Variants in CPNE4 observed in about 807,000 individuals in gnomAD.
CPNE4 encodes the protein copine-4.
Under a neutral mutation model 67.9 loss-of-function variants are expected in CPNE4, and 25 were observed. The ratio of observed to expected loss-of-function variants is 0.37; its 90% confidence interval spans 0.27 to 0.51. The LOEUF (loss-of-function observed/expected upper bound fraction) is 0.51, where lower values mean the gene tolerates loss of function less well. CPNE4 is among the 20% of genes least tolerant of loss of function. The pLI is 0.93. For synonymous variants in CPNE4, 242 were observed against 244.9 expected, an observed-to-expected ratio of 0.99 and a Z score of 0.11; for missense variants, 464 against 690.8, an observed-to-expected ratio of 0.67 and a Z score of 3.68.
At chr3:131,709,788 G>A (rs1207642722) in intron 3 of CPNE4, among the ~76,000 whole-genome samples, 1 of 152,164 alleles carries the variant, frequency 6.6e-6, no homozygotes, top group South Asian at 2.1e-4. Context: ...TTCAGCATAG[G>A]GTCTGGCAGA....
chr3:132,008,278 C>T (rs2073659213), intron 1 of CPNE4, among the ~76,000 whole-genome samples: 1 of 152,054 alleles, frequency 6.6e-6, no homozygotes, highest in Non-Finnish European at 1.5e-5. Flanking sequence ...GAAGAGTAAT[C>T]TAAAAATATC....
chr3:131,941,546 A>G (rs2071388148), intron 1 of CPNE4, among the ~76,000 whole-genome samples: 1 of 152,052 alleles, frequency 6.6e-6, no homozygotes, highest in African/African-American at 2.4e-5. Flanking sequence ...TGAGAAAACC[A>G]AGGCCCAAAG....
chr3:131,580,388 C>CTATACATATACA (rs56222832), intron 9 of CPNE4, among the ~76,000 whole-genome samples: 1,452 of 132,244 alleles, frequency 0.011, 19 homozygotes, highest in African/African-American at 0.027. Context: ...ACATTGGCCT[C>CTATACATATACA]TATACATATA....
At chr3:131,944,790 A>G (rs1056841594) in intron 1 of CPNE4, among the ~76,000 whole-genome samples, 10 of 152,086 alleles carry the variant, frequency 6.6e-5, no homozygotes, top group Non-Finnish European at 1.2e-4. Flanking sequence ...AATCCTTCCA[A>G]AAGCTTCAAA....
At chr3:131,836,670 G>C (rs2085568760) in intron 2 of CPNE4, among the ~76,000 whole-genome samples, 2 of 152,166 alleles carry the variant, frequency 1.3e-5, no homozygotes, top group African/African-American at 4.8e-5. Context: ...ATTAGGCAAA[G>C]AGTTCTTAGA....
rs574718110 is a variant in CPNE4, at chr3:131,574,812, G to A, written c.927+259C>T. On this transcript the variant is annotated intron_variant, in intron 10 of 15. Transcript: ENST00000429747. ...CATAGTTACTGAAGAAATGGGAAGC[G>A]TTAGGAGGATTTCCTAGACCACCTG... Among the ~76,000 whole-genome samples, 7 of 152,210 alleles carry A rather than the reference G, an allele frequency of 4.6e-5. No homozygotes were observed. In the South Asian group the frequency reaches 1.0e-3, roughly 23 times the overall value.
intron 2 of CPNE4, among the ~76,000 whole-genome samples, chr3:131,845,674 T>TA (rs2085967719): frequency 6.6e-6 from 1 of 152,128 alleles, no homozygotes; most frequent in Non-Finnish European, 1.5e-5. Context: ...TTTAACACAA[T>TA]AAGCACTTAA....
intron 1 of CPNE4, among the ~76,000 whole-genome samples, chr3:131,967,824 T>C (rs546338637): frequency 6.6e-6 from 1 of 152,280 alleles, no homozygotes; most frequent in Non-Finnish European, 1.5e-5. Context: ...TCAAGCTACC[T>C]TGACTTTCTT....
intron 2 of CPNE4, among the ~76,000 whole-genome samples, chr3:131,861,819 A>G (rs1047580585): frequency 6.6e-6 from 1 of 152,340 alleles, no homozygotes; most frequent in South Asian, 2.1e-4. Context: ...TTCCTTTAAT[A>G]TAATAACAAG....
intron 2 of CPNE4, among the ~76,000 whole-genome samples, chr3:131,903,579 G>A (rs2088631644): frequency 6.6e-6 from 1 of 152,096 alleles, no homozygotes; most frequent in East Asian, 1.9e-4. Flanking sequence ...AAAGATCTCA[G>A]TTTCTGGAGC....
At chr3:131,685,063 G>A (rs557502502) in intron 6 of CPNE4, among the ~76,000 whole-genome samples, 2 of 152,166 alleles carry the variant, frequency 1.3e-5, no homozygotes, top group Non-Finnish European at 2.9e-5. Flanking sequence ...AAATTACCAT[G>A]AAGCTCAGAG....
chr3:131,549,895 C>G, intron 14 of CPNE4, 52 bp downstream of exon 14: 1 of 1,600,174 alleles, frequency 6.2e-7, no homozygotes, highest in East Asian at 2.2e-5. Flanking sequence ...CGGCCAATAT[C>G]CAGGTGAGGA....
rs140267873 is a variant in CPNE4, at chr3:131,752,754, A to G, written c.181-29129T>C. ...GAAGAAATTTGTATAATCAGTTGGA[A>G]GGATGAGATCTATGCAAATCATACC... On this transcript the variant is annotated intron_variant, in intron 2 of 15. Coordinates refer to ENST00000429747, the MANE Select transcript of CPNE4 (RefSeq NM_130808.3). Among the ~76,000 whole-genome samples the G allele has an allele frequency of 4.6e-5, 7 of 152,304 alleles. No individual in the cohort carries two copies. In the East Asian group the frequency reaches 1.3e-3, roughly 29 times the overall value.
chr3:131,871,670 C>T (rs759983806), intron 2 of CPNE4, among the ~76,000 whole-genome samples: 3 of 152,148 alleles, frequency 2.0e-5, no homozygotes, highest in Non-Finnish European at 4.4e-5. Context: ...CTGACCGATA[C>T]CAACTTCGGT....
chr3:131,914,055 G>A (rs1455861640), intron 1 of CPNE4, among the ~76,000 whole-genome samples: 1 of 152,074 alleles, frequency 6.6e-6, no homozygotes, highest in Admixed American at 6.6e-5. Context: ...TTTAACAATA[G>A]GTCATCAGAT....
At chr3:131,770,922 A>G (rs2083150096) in intron 2 of CPNE4, among the ~76,000 whole-genome samples, 1 of 152,224 alleles carries the variant, frequency 6.6e-6, no homozygotes, top group African/African-American at 2.4e-5. Context: ...GACATTACAT[A>G]TCTTTTCAAA....
chr3:132,020,003 G>A (rs962199603), intron 1 of CPNE4, among the ~76,000 whole-genome samples: 52 of 152,250 alleles, frequency 3.4e-4, no homozygotes, highest in African/African-American at 1.0e-3. Flanking sequence ...AAGTCAAACC[G>A]ATTCCAAATT....
intron 7 of CPNE4, among the ~76,000 whole-genome samples, chr3:131,615,925 A>G (rs867618301): frequency 1.5e-3 from 129 of 88,870 alleles, no homozygotes; most frequent in African/African-American, 0.013. Flanking sequence ...ACACACACAC[A>G]CACGCACACA....
chr3:131,543,091 C>A (rs1322284514), intron 14 of CPNE4: 5 of 293,804 alleles, frequency 1.7e-5, no homozygotes, highest in South Asian at 6.8e-5. Context: ...TTCTGTGAGA[C>A]CCTGGGACGA....
Sources: gnomAD v4.1 joint callset for allele counts (sites outside exome capture counted in the v4.1 genomes callset) on GRCh38, gnomAD v4.1.1 for gene constraint, MANE v1.5 for transcripts, NCBI Gene and HGNC (gene_info 2026-07-23, HGNC 2026-07-21) for gene names.